Variants in WDR7 observed in about 807,000 individuals in gnomAD.
WDR7 encodes WD repeat domain 7, also known as WD repeat-containing protein 7.
Under a neutral mutation model 169.4 loss-of-function variants are expected in WDR7, and 46 were observed. That is an observed-to-expected ratio of 0.27 (90% CI 0.21 to 0.35). WDR7 has a LOEUF of 0.35. Among genes scored for constraint, WDR7 ranks in the 10% least tolerant of loss-of-function variants. WDR7 has a pLI of 1.00. For missense variants in WDR7, 1,534 were observed against 1,859.3 expected (o/e 0.83, Z 3.22); for synonymous variants, 612 against 666.8 (o/e 0.92, Z 1.27).
At chr18:56,828,737 A>T (rs1001526616) in intron 20 of WDR7, among the ~76,000 whole-genome samples, 1 of 152,162 alleles carries the variant, frequency 6.6e-6, no homozygotes, top group Non-Finnish European at 1.5e-5. Context: ...TGTGTTCAAA[A>T]ACAGAGCACG....
intron 4 of WDR7, among the ~76,000 whole-genome samples, chr18:56,682,407 T>G (rs1307872436): frequency 6.6e-6 from 1 of 152,228 alleles, no homozygotes; most frequent in Non-Finnish European, 1.5e-5. Flanking sequence ...AAAACAATTA[T>G]CACGAATTCT....
At chr18:57,035,705 A>T in the WDR7 span, 3 of 152,362 alleles carry the variant, frequency 2.0e-5, no homozygotes, top group Non-Finnish European at 4.4e-5. Context: ...AAGGTCCTGA[A>T]ATAATACAGA....
At chr18:56,715,900 C>A (rs1012425239) in intron 12 of WDR7, among the ~76,000 whole-genome samples, 1 of 152,092 alleles carries the variant, frequency 6.6e-6, no homozygotes, top group Non-Finnish European at 1.5e-5. Flanking sequence ...AATGTAGCAA[C>A]CAACCCTTTT....
intron 20 of WDR7, among the ~76,000 whole-genome samples, chr18:56,829,458 C>G (rs1261803510): frequency 1.3e-5 from 2 of 152,106 alleles, no homozygotes; most frequent in Admixed American, 1.3e-4. Context: ...TAATAAGTTT[C>G]CTTATGTTCT....
intron 19 of WDR7, among the ~76,000 whole-genome samples, chr18:56,807,886 A>G (rs2044803460): frequency 6.6e-6 from 1 of 152,196 alleles, no homozygotes; most frequent in Non-Finnish European, 1.5e-5. Flanking sequence ...TTTATTCAGA[A>G]TAAGGGATAA....
At chr18:57,005,862 G>C (rs2048050232) in intron 26 of WDR7, among the ~76,000 whole-genome samples, 1 of 152,068 alleles carries the variant, frequency 6.6e-6, no homozygotes, top group Admixed American at 6.5e-5. Flanking sequence ...AATTTGTGTT[G>C]GGCCACATTC....
intron 25 of WDR7, among the ~76,000 whole-genome samples, chr18:56,944,815 A>G (rs1201294048): frequency 6.6e-6 from 1 of 152,218 alleles, no homozygotes; most frequent in Non-Finnish European, 1.5e-5. Flanking sequence ...TTTCATTTAT[A>G]TCGCACTTTG....
chr18:56,867,511 C>A (rs1429792757), intron 20 of WDR7, among the ~76,000 whole-genome samples: 1 of 152,060 alleles, frequency 6.6e-6, no homozygotes, highest in Non-Finnish European at 1.5e-5. Context: ...TCCAGAGTAA[C>A]CTAATGATTC....
rs527497167 is a variant in WDR7 at position 56,729,982 on chromosome 18, A to T, written c.1775-1401A>T. ...TTTTGTATGATTACTACCTATTTCA[A>T]TTTCTTTTCTTGATTGTTCATATTC... On this transcript the variant is annotated intron_variant, in intron 13 of 27. Coordinates refer to ENST00000254442, the MANE Select transcript of WDR7 (RefSeq NM_015285.3). Among the ~76,000 whole-genome samples, 111 of 152,160 alleles carry T rather than the reference A, an allele frequency of 7.3e-4. 1 individual carries two copies. Among genetic ancestry groups the T allele is most frequent in the Non-Finnish European group, 5.7e-4 (39 of 67,998 alleles).
intron 12 of WDR7, among the ~76,000 whole-genome samples, chr18:56,708,156 C>A (rs557165716): frequency 6.6e-6 from 1 of 151,688 alleles, no homozygotes; most frequent in African/African-American, 2.4e-5. Context: ...GCCTCAGCCT[C>A]CTGAGTAGCT....
intron 14 of WDR7, among the ~76,000 whole-genome samples, chr18:56,741,475 C>T (rs913223212): frequency 1.2e-4 from 18 of 152,168 alleles, no homozygotes; most frequent in African/African-American, 4.3e-4. Context: ...GCCCTTCCTG[C>T]TCCTACAAAT....
chr18:56,806,563 G>A (rs926224039), intron 19 of WDR7, among the ~76,000 whole-genome samples: 1 of 152,052 alleles, frequency 6.6e-6, no homozygotes, highest in Non-Finnish European at 1.5e-5. Flanking sequence ...CCAGTAGCAC[G>A]GTTTTACATC....
At chr18:56,724,201 G>A in intron 13 of WDR7, among the ~76,000 whole-genome samples, 1 of 122,158 alleles carries the variant, frequency 8.2e-6, no homozygotes, top group South Asian at 2.7e-4. Context: ...TTTTTGACAT[G>A]CCTGGTAATT....
At chr18:56,794,621 T>C (rs1383785545) in intron 19 of WDR7, among the ~76,000 whole-genome samples, 1 of 152,120 alleles carries the variant, frequency 6.6e-6, no homozygotes, top group African/African-American at 2.4e-5. Flanking sequence ...ATAAAGTCTA[T>C]TTTTAAAAAG....
At chr18:56,781,023 A>G (rs2044310881) in intron 18 of WDR7, among the ~76,000 whole-genome samples, 1 of 152,232 alleles carries the variant, frequency 6.6e-6, no homozygotes, top group African/African-American at 2.4e-5. Context: ...ACATTGTTTA[A>G]GCATGTCTTA....
intron 13 of WDR7, among the ~76,000 whole-genome samples, chr18:56,724,788 T>C (rs1236145086): frequency 6.6e-6 from 1 of 152,146 alleles, no homozygotes; most frequent in Non-Finnish European, 1.5e-5. Flanking sequence ...CTCCTAATGC[T>C]ATCCCTCCCC....
chr18:56,782,031 T>A (rs1193718112), intron 19 of WDR7: 3 of 154,928 alleles, frequency 1.9e-5, no homozygotes, highest in Non-Finnish European at 2.9e-5. Flanking sequence ...GCAAACTCTC[T>A]TGCTAGTTAA....
chr18:56,678,342 C>T (rs543321842), intron 2 of WDR7, among the ~76,000 whole-genome samples: 1 of 152,234 alleles, frequency 6.6e-6, no homozygotes, highest in East Asian at 1.9e-4. Context: ...AGATGTTTGT[C>T]TTGTCTGGCC....
chr18:56,912,426 T>C (rs1308249574), intron 21 of WDR7, among the ~76,000 whole-genome samples: 1 of 152,232 alleles, frequency 6.6e-6, no homozygotes, highest in Non-Finnish European at 1.5e-5. Context: ...AAATTATCAG[T>C]AGCCATAGGA....
Sources: allele counts gnomAD v4.1 joint callset (sites outside exome capture counted in the v4.1 genomes callset), GRCh38; gene constraint gnomAD v4.1.1; transcripts MANE v1.5; gene names NCBI Gene and HGNC (gene_info 2026-07-23, HGNC 2026-07-21).